PSG8: variants seen among roughly 807,000 people sequenced by gnomAD.
The protein encoded by PSG8 is pregnancy-specific beta-1-glycoprotein 8.
Under a neutral mutation model 42.5 loss-of-function variants are expected in PSG8, and 57 were observed. The observed-to-expected ratio is 1.34, with a 90% CI of 1.08 to 1.67. PSG8 has a LOEUF of 1.67. Among genes scored for constraint, PSG8 ranks in the 40% most tolerant of loss-of-function variants. The pLI is 0.00. For synonymous variants in PSG8, 280 were observed against 196.8 expected, an observed-to-expected ratio of 1.42 and a Z score of -3.54; for missense variants, 783 against 518.6, an observed-to-expected ratio of 1.51 and a Z score of -4.95.
chr19:42,753,350 C>G (rs762062469), downstream of PSG8: 2 of 779,068 alleles, frequency 2.6e-6, no homozygotes, highest in East Asian at 4.8e-5. Flanking sequence ...ATTGGAGGAA[C>G]TAGTAGAATT....
intron 2 of PSG8, among the ~76,000 whole-genome samples, chr19:42,761,102 C>A (rs1970061714): frequency 6.6e-6 from 1 of 152,110 alleles, no homozygotes; most frequent in South Asian, 2.1e-4. Context: ...GCCTCTGACA[C>A]CCTGGTGAGT....
At chr19:42,753,956 T>G (rs1268362040), downstream of PSG8, 2 of 586,182 alleles carry the variant, frequency 3.4e-6, no homozygotes, top group East Asian at 4.4e-5. Flanking sequence ...AACTGCGGTA[T>G]AGTTTATTGA....
At chr19:42,764,391 G>A in intron 1 of PSG8, 110 bp from the exon 2 acceptor site, 2 of 1,483,466 alleles carry the variant, frequency 1.3e-6, no homozygotes, top group Non-Finnish European at 1.8e-6. Flanking sequence ...TGAAGACACA[G>A]ACACACACAC....
chr19:42,755,386 A>G, intron 3 of PSG8, 120 bp from the exon 4 acceptor site: 1 of 1,523,930 alleles, frequency 6.6e-7, no homozygotes, highest in South Asian at 1.3e-5. Flanking sequence ...GAAAGCCAAT[A>G]GCTGGTGCGT....
At chr19:42,758,680 C>T in intron 2 of PSG8, 1 of 225,864 alleles carries the variant, frequency 4.4e-6, no homozygotes, top group Non-Finnish European at 8.7e-6. Context: ...GGTATGTTTT[C>T]TCTGCAGCTT....
intron 2 of PSG8, among the ~76,000 whole-genome samples, chr19:42,760,537 G>C (rs1324798396): frequency 6.6e-6 from 1 of 152,124 alleles, no homozygotes; most frequent in Admixed American, 6.6e-5. Context: ...TTCCTCAGCT[G>C]TGTGCAGTCT....
At chr19:42,758,993 A>T (rs1424773984) in intron 2 of PSG8, 4 of 152,800 alleles carry the variant, frequency 2.6e-5, no homozygotes, top group African/African-American at 9.7e-5. Context: ...GACCAAGACC[A>T]CGTTCCCTGT....
At chr19:42,757,843 G>A (rs1365301370) in intron 3 of PSG8, among the ~76,000 whole-genome samples, 159 bp downstream of exon 3, 1 of 152,048 alleles carries the variant, frequency 6.6e-6, no homozygotes, top group East Asian at 1.9e-4. Flanking sequence ...TCAAGCCTAG[G>A]CCTACTCTGG....
chr19:42,756,694 C>A (rs139875828), intron 3 of PSG8, among the ~76,000 whole-genome samples: 5 of 152,090 alleles, frequency 3.3e-5, no homozygotes, highest in Admixed American at 2.0e-4. Context: ...CCATGCCTCA[C>A]TCGTATATTT....
chr19:42,758,254 T>A lies in PSG8; in HGVS notation c.457A>T (p.Ser153Cys). The change falls in exon 3 of 5, where the codon AGC (serine) becomes TGC (cysteine). Residue 153 changes from serine (S) to cysteine (C), a missense_variant. Coordinates refer to ENST00000306511, the MANE Select transcript of PSG8 (RefSeq NM_182707.3). ...YLETPKPSISSSKLNPREAME... is the reference protein window; with the variant it reads ...YLETPKPSISCSKLNPREAME... ...GCCTCCCTGGGGTTTAATTTGCTGCTGGAGATGGAGGGCTTGGGAGTCTCC... is the reference window on the plus strand; with the variant it reads ...GCCTCCCTGGGGTTTAATTTGCTGCAGGAGATGGAGGGCTTGGGAGTCTCC... 6.2e-7 allele frequency: 1 copy of A among 1,613,970 alleles called. No individual in the cohort carries two copies. Among genetic ancestry groups the A allele is most frequent in the African/African-American group, 1.3e-5 (1 of 74,994 alleles).
In PSG8 at chr19:42,755,230, A is replaced by G. The variant is rs780473816; in HGVS notation, c.746T>C (p.Leu249Ser). Residue 249 changes from leucine to serine, a missense_variant, in exon 4 of 5, where the codon TTA (leucine) becomes TCA (serine). Physicochemically the swap from Leu to Ser is moderately radical, Grantham distance 145. Transcript: ENST00000306511. Reference protein sequence around the residue: ...LPKPYITINNLKPRENKDVLN... With the variant: ...LPKPYITINNSKPRENKDVLN... ...GACATCCTTATTCTCCCTGGGTTTT[A>G]AGTTGTTGATGGTGATGTAGGGCTT... is the stretch of plus-strand genomic sequence containing the variant. 32 of 1,611,906 alleles carry G rather than the reference A, an allele frequency of 2.0e-5. No individual in the cohort carries two copies. The highest frequency in any genetic ancestry group is 4.5e-5 in the East Asian group (2 of 44,884).
At chr19:42,753,746 C>G (rs754804920), downstream of PSG8, among the ~76,000 whole-genome samples, 1 of 152,144 alleles carries the variant, frequency 6.6e-6, no homozygotes, top group South Asian at 2.1e-4. Flanking sequence ...TATCTATATC[C>G]TTAAATATAA....
downstream of PSG8, chr19:42,753,440 T>A (rs1036937517): frequency 1.0e-5 from 8 of 771,542 alleles, no homozygotes; most frequent in Non-Finnish European, 1.9e-5. Flanking sequence ...ACAGGTGTAC[T>A]ACAGTTTTTA....
At chr19:42,758,338 C>T in intron 2 of PSG8, 58 bp from the exon 3 acceptor site, 1 of 1,575,814 alleles carries the variant, frequency 6.3e-7, no homozygotes, top group South Asian at 1.2e-5. Flanking sequence ...CCTCCAAAGG[C>T]ATTTTTCAAT....
rs923011961 is a variant in PSG8 at position 42,755,246 on chromosome 19, T to C, written c.730A>G (p.Ile244Val). ...NLLPKLPKPYITINNLKPREN... is the reference protein window; with the variant it reads ...NLLPKLPKPYVTINNLKPREN... ...CTGGGTTTTAAGTTGTTGATGGTGA[T>C]GTAGGGCTTGGGCAGCTTCGCTGTG... The change falls in exon 4 of 5, where the codon ATC (isoleucine) becomes GTC (valine). Residue 244 changes from isoleucine to valine, a missense_variant. Transcript: ENST00000306511. 2 of 1,612,136 alleles carry C rather than the reference T, an allele frequency of 1.2e-6. No homozygotes were observed. Among genetic ancestry groups the C allele is most frequent in the African/African-American group, 2.7e-5 (2 of 74,858 alleles).
At chr19:42,763,533 G>A (rs1213254116) in intron 2 of PSG8, among the ~76,000 whole-genome samples, 1 of 152,150 alleles carries the variant, frequency 6.6e-6, no homozygotes, top group Non-Finnish European at 1.5e-5. Context: ...CTGGGGGTGA[G>A]GCTTCTAGGG....
Position 42,755,188 on chromosome 19 carries a change from T to A in PSG8, c.788A>T (p.Glu263Val). The change falls in exon 4 of 5, where the codon GAA (glutamate) becomes GTA (valine). Residue 263 changes from glutamate to valine, a missense_variant. Glu to Val is a moderately radical substitution (Grantham distance 121, BLOSUM62 -2). Coordinates refer to ENST00000306511, the MANE Select transcript of PSG8 (RefSeq NM_182707.3). ...ENKDVLNFTC[E>V]PKSENYTYIW... Reference sequence around the variant, plus strand: ...GTAGGTGTAGTTCTCACTCTTAGGTTCACAGGTGAAGTTTAAGACATCCTT... The same window carrying A: ...GTAGGTGTAGTTCTCACTCTTAGGTACACAGGTGAAGTTTAAGACATCCTT... The A allele has an allele frequency of 6.2e-7, 1 of 1,611,886 alleles. No homozygotes were observed. Among genetic ancestry groups the A allele is most frequent in the Admixed American group, 1.7e-5 (1 of 60,006 alleles).
chr19:42,757,970 G>A, intron 3 of PSG8, 32 bp downstream of exon 3: 2 of 1,614,024 alleles, frequency 1.2e-6, no homozygotes, highest in African/African-American at 1.3e-5. Flanking sequence ...TGGGATGGCA[G>A]CCTGGCTCAC....
chr19:42,753,205 G>T, downstream of PSG8: 1 of 766,754 alleles, frequency 1.3e-6, no homozygotes, highest in Non-Finnish European at 2.4e-6. Flanking sequence ...GAACATTTTA[G>T]TGAGTTCTGA....
Sources: allele counts gnomAD v4.1 joint callset (sites outside exome capture counted in the v4.1 genomes callset), GRCh38; gene constraint gnomAD v4.1.1; transcripts MANE v1.5; gene names NCBI Gene and HGNC (gene_info 2026-07-23, HGNC 2026-07-21).